VPS52: variants seen among roughly 807,000 people sequenced by gnomAD.
The protein encoded by VPS52 is vacuolar protein sorting-associated protein 52 homolog.
In VPS52, 56 loss-of-function variants were observed where a neutral mutation model predicts 98.7. That is an observed-to-expected ratio of 0.57 (90% CI 0.46 to 0.71). The LOEUF (loss-of-function observed/expected upper bound fraction) is 0.71, where lower values mean the gene tolerates loss of function less well. Among genes scored for constraint, VPS52 ranks in the 30% least tolerant of loss-of-function variants. VPS52 has a pLI of 0.00. For synonymous variants in VPS52, 348 were observed against 346.4 expected (o/e 1.00, Z -0.05); for missense variants, 742 against 925.9 (o/e 0.80, Z 2.58).
In VPS52 at chr6:33,267,522, T is replaced by G. The variant is rs186114382; in HGVS notation, c.991+160A>C. ...TCATATGCAAAACTATGTGTCAAAA[T>G]AATGTGTGCATCTTTCTGGGGAGGG... On this transcript the variant is annotated intron_variant, in intron 10 of 19. Coordinates refer to ENST00000445902, the MANE Select transcript of VPS52 (RefSeq NM_022553.6). This position sits in a 1 kb window ranked among gnomAD's most constrained non-coding sequence, Gnocchi z 4.2. The G allele has an allele frequency of 3.3e-6, 4 of 1,195,992 alleles. No homozygotes were observed. In the African/African-American group the frequency reaches 4.6e-5, roughly 14 times the overall value. The allele number at this position is 1,195,992 out of a possible 1,614,324, so 74.1% of individuals were successfully genotyped here. A position where few individuals can be genotyped will look rare whatever the true frequency, so the allele number is the denominator to read the frequency against.
In VPS52 at chr6:33,264,321, A is replaced by T. The variant is rs937602948; in HGVS notation, c.1524+53T>A. The T allele has an allele frequency of 2.8e-5, 45 of 1,601,974 alleles. No individual in the cohort carries two copies. In the Middle Eastern group the frequency reaches 5.0e-4, roughly 18 times the overall value. On this transcript the variant is annotated intron_variant, in intron 14 of 19. Coordinates refer to ENST00000445902, the MANE Select transcript of VPS52 (RefSeq NM_022553.6). ...GTGACCTTGGCCAACCCCCACAATG[A>T]TGCTTAGAGCCCTGCCTTTCAAGAA...
intron 17 of VPS52, among the ~76,000 whole-genome samples, chr6:33,262,965 T>G (rs1384641269): frequency 6.6e-6 from 1 of 152,166 alleles, no homozygotes; most frequent in Non-Finnish European, 1.5e-5. Flanking sequence ...GACCTACTAT[T>G]TGACAGCACA....
chr6:33,266,029 T>C (rs1764261131), intron 12 of VPS52, among the ~76,000 whole-genome samples: 1 of 151,828 alleles, frequency 6.6e-6, no homozygotes, highest in Admixed American at 6.6e-5. Flanking sequence ...ACCTGGCTAA[T>C]TTTTGTACTG....
chr6:33,269,317 G>A lies in VPS52; in HGVS notation c.373-128C>T. 3 of 1,416,078 alleles carry A rather than the reference G, an allele frequency of 2.1e-6. No homozygotes were observed. In the South Asian group the frequency reaches 3.7e-5, roughly 17 times the overall value. The allele number at this position is 1,416,078 out of a possible 1,614,324, so 87.7% of individuals were successfully genotyped here. A position where few individuals can be genotyped will look rare whatever the true frequency, so the allele number is the denominator to read the frequency against. Reference sequence around the variant, plus strand: ...GGGTGGCAGATGATGAGACACCCCAGATTATCAGGAAATAACATTAAATAT... The same window carrying A: ...GGGTGGCAGATGATGAGACACCCCAAATTATCAGGAAATAACATTAAATAT... On this transcript the variant is annotated intron_variant, in intron 5 of 19. Transcript: ENST00000445902.
intron 17 of VPS52, among the ~76,000 whole-genome samples, chr6:33,256,463 CAAAAAAAAAAAAA>C (rs9280385): frequency 8.0e-4 from 67 of 83,718 alleles, no homozygotes; most frequent in African/African-American, 2.4e-3. Flanking sequence ...AAACCTGTCT[CAAAAAAAAAAAAA>C]AAAAAAAAAA....
At chr6:33,258,319 A>G (rs1388824530) in intron 17 of VPS52, among the ~76,000 whole-genome samples, 1 of 150,396 alleles carries the variant, frequency 6.6e-6, no homozygotes, top group Admixed American at 6.7e-5. Flanking sequence ...CCCGGGAGGC[A>G]GAGGTGCAGT....
In VPS52 at chr6:33,254,275, G is replaced by GTAAA. The variant is rs550435201; in HGVS notation, c.1795-2308_1795-2305dup. 5.3e-3 allele frequency among the ~76,000 whole-genome samples: 808 copies of GTAAA among 151,732 alleles called. 5 individuals carry two copies. Among genetic ancestry groups the GTAAA allele is most frequent in the East Asian group, 0.023 (117 of 5,158 alleles). ...GGCGACAGAGCAGCAACTTGTCTCA[G>GTAAA]TAAATAAATAAATAAATAAATAAAT... On this transcript the variant is annotated intron_variant, in intron 17 of 19. Coordinates refer to ENST00000445902, the MANE Select transcript of VPS52 (RefSeq NM_022553.6).
chr6:33,263,685 G>A lies in VPS52; in HGVS notation c.1728+87C>T, dbSNP rs548478882. On this transcript the variant is annotated intron_variant, in intron 16 of 19. Coordinates refer to ENST00000445902, the MANE Select transcript of VPS52 (RefSeq NM_022553.6). ...AAGAGTAAAACACTGAACAAGACAG[G>A]CATCATCTCTGCCCTCACAGAGCTA... 3.0e-5 allele frequency: 47 copies of A among 1,580,298 alleles called. No homozygotes were observed. The South Asian group carries it at 5.0e-4, about 17-fold the overall frequency.
chr6:33,256,506 A>T (rs1198434079), intron 17 of VPS52, among the ~76,000 whole-genome samples: 1 of 138,046 alleles, frequency 7.2e-6, no homozygotes. Flanking sequence ...AAAAAAAAGG[A>T]TAGGGAGCCC....
rs1486069596 is a variant in VPS52, at chr6:33,251,539, T to C, written c.2004A>G (p.Arg668=). ...QDVMRSFTNF[R]NGTSIIQGAL... ...TCACCTGAATGATACTGGTGCCATT[T>C]CTGAAGTTGGTGAAACTCCGCATTA... is the stretch of plus-strand genomic sequence containing the variant. Residue 668 remains arginine (R), a synonymous_variant, in exon 19 of 20, where the codon AGA becomes AGG. Coordinates refer to ENST00000445902, the MANE Select transcript of VPS52 (RefSeq NM_022553.6). 1 of 1,613,322 alleles carries C rather than the reference T, an allele frequency of 6.2e-7. No homozygotes were observed. Among genetic ancestry groups the C allele is most frequent in the East Asian group, 2.2e-5 (1 of 44,868 alleles).
At position 33,266,669 on chromosome 6, in the gene VPS52, A is replaced by G. The variant is rs763531858; in HGVS notation, c.1169T>C (p.Leu390Pro). 3.7e-6 allele frequency: 6 copies of G among 1,612,928 alleles called. No homozygotes were observed. Among genetic ancestry groups the G allele is most frequent in the Non-Finnish European group, 5.1e-6 (6 of 1,179,942 alleles). Residue 390 changes from leucine to proline, a missense_variant, in exon 12 of 20, where the codon CTA (leucine) becomes CCA (proline). Around this residue, in one of 2 missense-constraint regions of VPS52, gnomAD observed 590 missense variants for 793.3 expected, o/e 0.74. Transcript: ENST00000445902. ...ALFRSQHYAL[L>P]DNSCREYLFI... ...AAGGTATTCGCGGCAGGAATTGTCT[A>G]GGAGGGCGTAGTGCTGGCTGCGGAA... is the stretch of plus-strand genomic sequence containing the variant.
Position 33,267,674 on chromosome 6 carries a change from T to A in VPS52, c.991+8A>T. On this transcript the variant is annotated splice_region_variant and intron_variant, in intron 10 of 19. Coordinates refer to ENST00000445902, the MANE Select transcript of VPS52 (RefSeq NM_022553.6). This position sits in a 1 kb window ranked among gnomAD's most constrained non-coding sequence, Gnocchi z 4.2. ...GCCTGGCATGAGGGTTCCCCAGTAC[T>A]AGGATATCTTTCTTTGCTGTATCTT... 6.2e-7 allele frequency: 1 copy of A among 1,613,010 alleles called. No homozygotes were observed. Among genetic ancestry groups the A allele is most frequent in the South Asian group, 1.1e-5 (1 of 91,086 alleles).
At chr6:33,260,319 T>C (rs1763475465) in intron 17 of VPS52, among the ~76,000 whole-genome samples, 1 of 151,902 alleles carries the variant, frequency 6.6e-6, no homozygotes, top group South Asian at 2.1e-4. Context: ...GTCTCCCAAA[T>C]AGCTAGAACT....
At chr6:33,254,290 A>G (rs915355574) in intron 17 of VPS52, among the ~76,000 whole-genome samples, 4 of 152,096 alleles carry the variant, frequency 2.6e-5, no homozygotes, top group African/African-American at 9.7e-5. Context: ...TAAATAAATA[A>G]ATAAATAAAT....
At chr6:33,252,117 C>A in intron 17 of VPS52, 146 bp from the exon 18 acceptor site, 1 of 661,972 alleles carries the variant, frequency 1.5e-6, no homozygotes, top group Non-Finnish European at 2.6e-6. Context: ...AGAAAAATAT[C>A]CTCAATCCTA....
intron 17 of VPS52, among the ~76,000 whole-genome samples, chr6:33,258,260 G>A (rs995781351): frequency 1.3e-5 from 2 of 151,782 alleles, no homozygotes; most frequent in Non-Finnish European, 2.9e-5. Flanking sequence ...GGTAGCACAC[G>A]CCTGTAATCC....
intron 17 of VPS52, among the ~76,000 whole-genome samples, chr6:33,255,622 AAAAATAC>A: frequency 6.6e-6 from 1 of 151,484 alleles, no homozygotes; most frequent in South Asian, 2.1e-4. Flanking sequence ...CGTCTCTACT[AAAAATAC>A]AAAATACAAA....
chr6:33,265,426 G>A (rs911729551), intron 12 of VPS52, among the ~76,000 whole-genome samples: 2 of 152,106 alleles, frequency 1.3e-5, no homozygotes, highest in Admixed American at 1.3e-4. Flanking sequence ...GATTGTAATG[G>A]TACAATCATA....
chr6:33,264,362 G>GCC lies in VPS52; in HGVS notation c.1524+10_1524+11dup, dbSNP rs778248240. On this transcript the variant is annotated intron_variant, in intron 14 of 19. Coordinates refer to ENST00000445902, the MANE Select transcript of VPS52 (RefSeq NM_022553.6). ...CTTTCAAGAACCCTTTGTTACCCTT[G>GCC]CCCTCCCTCACATAGTGGGGCCGAG... 1.2e-6 allele frequency: 2 copies of GCC among 1,613,508 alleles called. No individual in the cohort carries two copies. The highest frequency in any genetic ancestry group is 4.5e-5 in the East Asian group (2 of 44,900).
Sources: gnomAD v4.1 joint callset for allele counts (sites outside exome capture counted in the v4.1 genomes callset) on GRCh38, gnomAD v4.1.1 for gene constraint, gnomAD v4.1.1 regional missense constraint, Gnocchi (gnomAD v3.1) non-coding constraint, MANE v1.5 for transcripts, NCBI Gene and HGNC (gene_info 2026-07-23, HGNC 2026-07-21) for gene names.